The following PEX7 variants were observed in gnomAD, a reference collection of about 807,000 sequenced individuals.
PEX7 encodes the protein PTS2 receptor.
Under a neutral mutation model 47.5 loss-of-function variants are expected in PEX7, and 34 were observed. The ratio of observed to expected loss-of-function variants is 0.72; its 90% CI spans 0.54 to 0.95. The LOEUF (loss-of-function observed/expected upper bound fraction) is 0.95. Among genes scored for constraint, PEX7 ranks in the 40% least tolerant of loss-of-function variants. The pLI is 0.00. For missense variants in PEX7, 394 were observed against 400.3 expected (o/e 0.98, Z 0.13); for synonymous variants, 141 against 148.8 (o/e 0.95, Z 0.38).
At chr6:136,839,442 G>A (rs956272917) in intron 3 of PEX7, among the ~76,000 whole-genome samples, 22 of 152,174 alleles carry the variant, frequency 1.4e-4, no homozygotes, top group African/African-American at 4.8e-4. Context: ...TCAAACTGTG[G>A]TTTTGATGAG....
intron 8 of PEX7, among the ~76,000 whole-genome samples, chr6:136,877,188 T>G (rs547174050): frequency 1.1e-4 from 17 of 150,490 alleles, no homozygotes; most frequent in Admixed American, 6.0e-4. Context: ...ATGGGGTTGT[T>G]TTTTTTTTGT....
At chr6:136,855,737 C>T (rs1045301129) in intron 5 of PEX7, 22 of 402,052 alleles carry the variant, frequency 5.5e-5, no homozygotes, top group Middle Eastern at 8.7e-4. Context: ...ATGACAAACA[C>T]CCAGTTTGCC....
At chr6:136,833,698 A>G (rs1774335503) in intron 3 of PEX7, among the ~76,000 whole-genome samples, 1 of 152,238 alleles carries the variant, frequency 6.6e-6, no homozygotes, top group Non-Finnish European at 1.5e-5. Context: ...TTGTACAGAA[A>G]AATAGTTTCT....
chr6:136,901,588 G>T (rs1357031238), intron 9 of PEX7: 1 of 152,262 alleles, frequency 6.6e-6, no homozygotes, highest in African/African-American at 2.4e-5. Context: ...AAGAGCAAAA[G>T]CTGCAAGTCA....
Position 136,861,457 on chromosome 6 carries a change from A to G in PEX7, c.527-5170A>G, listed in dbSNP as rs9402855. Among the ~76,000 whole-genome samples the G allele has an allele frequency of 4.5e-3, 678 of 152,336 alleles. 21 individuals are homozygous for G. Among genetic ancestry groups the G allele is most frequent in the Admixed American group, 0.035 (535 of 15,296 alleles). On this transcript the variant is annotated intron_variant, in intron 5 of 9. Transcript: ENST00000318471. The stretch of plus-strand genomic sequence containing the variant: ...ACCCAAGCTCATTGATCTTGAGACA[A>G]TGCTATAGCTATAGCAGAATTTATA...
intron 9 of PEX7, among the ~76,000 whole-genome samples, chr6:136,907,960 T>C (rs1775871934): frequency 1.3e-5 from 2 of 152,204 alleles, no homozygotes; most frequent in African/African-American, 4.8e-5. Context: ...ATTTTTATTA[T>C]AGTCTTCTTA....
intron 8 of PEX7, among the ~76,000 whole-genome samples, chr6:136,878,234 A>G (rs535787291): frequency 3.9e-5 from 6 of 152,340 alleles, no homozygotes; most frequent in East Asian, 1.9e-4. Flanking sequence ...TAAGTATACA[A>G]TCATGTCATC....
At chr6:136,865,135 G>A (rs1775036092) in intron 5 of PEX7, among the ~76,000 whole-genome samples, 1 of 152,130 alleles carries the variant, frequency 6.6e-6, no homozygotes, top group Non-Finnish European at 1.5e-5. Flanking sequence ...TTGTAATAAT[G>A]CAAAGTGTAA....
chr6:136,850,920 T>G (rs1049174776), intron 5 of PEX7, among the ~76,000 whole-genome samples: 7 of 61,868 alleles, frequency 1.1e-4, no homozygotes, highest in Non-Finnish European at 2.8e-4. Flanking sequence ...ACTGATGGTT[T>G]TTTTTTTTTT....
At chr6:136,860,776 A>G (rs1460391561) in intron 5 of PEX7, among the ~76,000 whole-genome samples, 1 of 152,066 alleles carries the variant, frequency 6.6e-6, no homozygotes, top group Non-Finnish European at 1.5e-5. Flanking sequence ...AACAGTGCAT[A>G]ATCTTAGTAT....
At chr6:136,826,565 GA>G in intron 3 of PEX7, 96 bp downstream of exon 3, 1 of 1,430,644 alleles carries the variant, frequency 7.0e-7, no homozygotes, top group Non-Finnish European at 9.8e-7. Flanking sequence ...ATCTTCAGGG[GA>G]CAAGTTTAAA....
At chr6:136,908,961 C>T (rs959897401) in intron 9 of PEX7, among the ~76,000 whole-genome samples, 1 of 152,168 alleles carries the variant, frequency 6.6e-6, no homozygotes, top group Non-Finnish European at 1.5e-5. Flanking sequence ...AGGCACTTCC[C>T]TCACATTCGA....
intron 5 of PEX7, among the ~76,000 whole-genome samples, chr6:136,849,640 A>T (rs966797322): frequency 6.6e-6 from 1 of 152,162 alleles, no homozygotes; most frequent in Admixed American, 6.5e-5. Flanking sequence ...CGGGTTGTTC[A>T]GTGTCCATGT....
intron 2 of PEX7, 36 bp downstream of exon 2, chr6:136,825,307 T>C (rs1562725450): frequency 4.0e-6 from 6 of 1,502,784 alleles, no homozygotes; most frequent in African/African-American, 1.4e-5. Flanking sequence ...TATATATTGT[T>C]GCTATTAAAG....
chr6:136,866,056 C>G (rs1370000432), intron 5 of PEX7, among the ~76,000 whole-genome samples: 1 of 151,984 alleles, frequency 6.6e-6, no homozygotes, highest in Non-Finnish European at 1.5e-5. Context: ...GCACTCCAGC[C>G]TGGCGACAGA....
intron 8 of PEX7, among the ~76,000 whole-genome samples, chr6:136,883,818 A>G (rs1011816047): frequency 1.3e-5 from 2 of 152,208 alleles, no homozygotes; most frequent in African/African-American, 4.8e-5. Flanking sequence ...ATCCCTATTC[A>G]AACAAGCCAA....
chr6:136,901,264 C>A (rs971480385), intron 9 of PEX7: 1 of 152,254 alleles, frequency 6.6e-6, no homozygotes, highest in Non-Finnish European at 1.5e-5. Flanking sequence ...ATGTTTTTCC[C>A]TCTCACTTTT....
intron 3 of PEX7, among the ~76,000 whole-genome samples, chr6:136,844,351 A>C (rs1171326432): frequency 6.6e-6 from 1 of 150,634 alleles, no homozygotes; most frequent in Non-Finnish European, 1.5e-5. Context: ...AGCCTGGGCG[A>C]CTGCGCAAGA....
intron 5 of PEX7, among the ~76,000 whole-genome samples, chr6:136,846,547 A>G (rs545104609): frequency 2.6e-5 from 4 of 151,916 alleles, no homozygotes; most frequent in Non-Finnish European, 4.4e-5. Context: ...CCTGTGTCCA[A>G]GTGTTCTCAT....
Sources: allele counts gnomAD v4.1 joint callset (sites outside exome capture counted in the v4.1 genomes callset), GRCh38; gene constraint gnomAD v4.1.1; transcripts MANE v1.5; gene names NCBI Gene and HGNC (gene_info 2026-07-23, HGNC 2026-07-21).